The following REG4 variants were observed in gnomAD, a reference collection of about 807,000 sequenced individuals.
The protein encoded by REG4 is regenerating family member 4.
A neutral mutation model predicts 22.3 loss-of-function variants in REG4; 16 were observed. That is an observed-to-expected ratio of 0.72 (90% CI 0.49 to 1.09). The LOEUF (loss-of-function observed/expected upper bound fraction) is 1.09, where lower values mean the gene tolerates loss of function less well. Among genes scored for constraint, REG4 ranks in the 50% least tolerant of loss-of-function variants. The probability of loss-of-function intolerance (pLI) is 0.00; values close to 1 mark genes in which losing one functional copy is unlikely to be tolerated. For synonymous variants in REG4, 71 were observed against 69.2 expected (o/e 1.03, Z -0.13); for missense variants, 214 against 193.9 (o/e 1.10, Z -0.61).
chr1:119,806,966 T>G (rs1003194579), intron 2 of REG4, among the ~76,000 whole-genome samples: 1 of 152,202 alleles, frequency 6.6e-6, no homozygotes, highest in Non-Finnish European at 1.5e-5. Context: ...CAGAGCCTAG[T>G]GTATAGGAAT....
intron 1 of REG4, among the ~76,000 whole-genome samples, chr1:119,810,788 C>T (rs1336915268): frequency 6.6e-6 from 1 of 152,150 alleles, no homozygotes; most frequent in Non-Finnish European, 1.5e-5. Flanking sequence ...TGTGGTGGCT[C>T]ATGGCTGAAA....
In REG4 at chr1:119,794,292, A is replaced by C. The variant is rs1422284248; in HGVS notation, c.*326T>G. 1 of 578,816 alleles carries C rather than the reference A, an allele frequency of 1.7e-6. No individual in the cohort carries two copies. The highest frequency in any genetic ancestry group is 1.9e-5 in the African/African-American group (1 of 53,674). 35.9% of individuals were successfully genotyped at this position (578,816 alleles called of 1,614,324 possible). ...CCTGAGTTTCTTCCTTCTGTCTTCA[A>C]ATCTTTACTTCTTATGGCCAAAGAC... is the stretch of plus-strand genomic sequence containing the variant. On this transcript the variant is annotated 3_prime_UTR_variant, in exon 6 of 6. Coordinates refer to ENST00000256585, the MANE Select transcript of REG4 (RefSeq NM_032044.4).
intron 4 of REG4, among the ~76,000 whole-genome samples, chr1:119,799,409 TACACACAC>T (rs58324924): frequency 0.5 from 74,302 of 149,902 alleles, 18,569 homozygotes; most frequent in Middle Eastern, 0.59. Context: ...CCTGTGTGCG[TACACACAC>T]ACACACACAC....
chr1:119,802,506 C>T (rs1654142093), intron 3 of REG4: 1 of 1,051,548 alleles, frequency 9.5e-7, no homozygotes, highest in Non-Finnish European at 1.1e-6. Context: ...GCATCCACTC[C>T]CCATATGTGG....
chr1:119,810,601 G>A (rs1654465279), intron 1 of REG4, among the ~76,000 whole-genome samples: 1 of 152,190 alleles, frequency 6.6e-6, no homozygotes, highest in African/African-American at 2.4e-5. Context: ...AAGTAATAGT[G>A]TATTTTCAAT....
At chr1:119,809,130 CT>C (rs1175300409) in intron 1 of REG4, 29 of 166,828 alleles carry the variant, frequency 1.7e-4, no homozygotes, top group East Asian at 1.7e-4. Flanking sequence ...GCACTCGCCC[CT>C]GTTAGCTTCA....
rs140666283 is a variant in REG4, at chr1:119,809,518, G to A, written c.-94-655C>T. Among the ~76,000 whole-genome samples the A allele has an allele frequency of 3.0e-3, 456 of 152,272 alleles. 5 individuals carry two copies. Among genetic ancestry groups the A allele is most frequent in the African/African-American group, 0.01 (429 of 41,556 alleles). ...TAAGAAGTAAATCCCATCTCCAGGA[G>A]ATAATTTGGTGAGTAGCCTACAGAT... is the stretch of plus-strand genomic sequence containing the variant. On this transcript the variant is annotated intron_variant, in intron 1 of 5. Transcript: ENST00000256585.
chr1:119,802,699 T>A, intron 3 of REG4: 2 of 1,425,992 alleles, frequency 1.4e-6, no homozygotes, highest in Non-Finnish European at 1.8e-6. Context: ...CACCACTCTC[T>A]TTCTGGTAAA....
intron 1 of REG4, among the ~76,000 whole-genome samples, chr1:119,809,361 A>T (rs1431247510): frequency 1.3e-5 from 2 of 152,084 alleles, no homozygotes; most frequent in African/African-American, 4.8e-5. Flanking sequence ...CTATAAGCAG[A>T]TCTGACTCCA....
intron 3 of REG4, among the ~76,000 whole-genome samples, chr1:119,800,584 C>T (rs971440731): frequency 2.6e-5 from 4 of 152,150 alleles, no homozygotes; most frequent in African/African-American, 9.7e-5. Flanking sequence ...GCCCAGCTCT[C>T]CCTAATTCCT....
chr1:119,804,209 C>T (rs1182647999), intron 2 of REG4, among the ~76,000 whole-genome samples: 3 of 152,140 alleles, frequency 2.0e-5, no homozygotes, highest in African/African-American at 7.2e-5. Flanking sequence ...CTGCAGCTGT[C>T]ATAACAGCAT....
intron 3 of REG4, among the ~76,000 whole-genome samples, 164 bp from the exon 4 acceptor site, chr1:119,800,026 A>G (rs587730010): frequency 6.6e-6 from 1 of 152,224 alleles, no homozygotes; most frequent in Admixed American, 6.5e-5. Context: ...CTGGGAAAAA[A>G]CACAACTGCT....
In REG4 at chr1:119,802,610, C is replaced by T. The variant is rs587704364; in HGVS notation, c.165+458G>A. 75 of 1,310,462 alleles carry T rather than the reference C, an allele frequency of 5.7e-5. 1 individual carries two copies. In the South Asian group the frequency reaches 1.3e-3, roughly 22 times the overall value. The allele number at this position is 1,310,462 out of a possible 1,614,324, so 81.2% of individuals were successfully genotyped here. On this transcript the variant is annotated intron_variant, in intron 3 of 5. Coordinates refer to ENST00000256585, the MANE Select transcript of REG4 (RefSeq NM_032044.4). ...CAGGTTTGTGGACTGTGTAGAGCAG[C>T]GGAAAAGTTTCCACATTTTCTTGGA...
intron 2 of REG4, among the ~76,000 whole-genome samples, chr1:119,805,794 CT>C (rs1654292066): frequency 1.3e-5 from 2 of 152,078 alleles, no homozygotes; most frequent in African/African-American, 4.8e-5. Flanking sequence ...GACTCTCATT[CT>C]TTTTCTCCCC....
In REG4 at chr1:119,794,183, C is replaced by G; in HGVS notation, c.*435G>C. The G allele has an allele frequency of 1.9e-6, 1 of 535,512 alleles. No homozygotes were observed. The highest frequency in any genetic ancestry group is 3.8e-6 in the Non-Finnish European group (1 of 261,512). The allele number at this position is 535,512 out of a possible 1,614,324, so 33.2% of individuals were successfully genotyped here. On this transcript the variant is annotated 3_prime_UTR_variant, in exon 6 of 6. Coordinates refer to ENST00000256585, the MANE Select transcript of REG4 (RefSeq NM_032044.4). ...TTCCCATGGCCAAAGGAAAAACAAG[C>G]AGGAGTTGAGTGGCTGGGGTGGGGT...
chr1:119,797,651 C>G (rs1022191882), intron 5 of REG4, among the ~76,000 whole-genome samples: 1 of 152,184 alleles, frequency 6.6e-6, no homozygotes, highest in Non-Finnish European at 1.5e-5. Flanking sequence ...ACTGAGTATT[C>G]TTTAATATTC....
At chr1:119,803,280 G>GAC in intron 2 of REG4, 115 bp from the exon 3 acceptor site, 1 of 1,113,096 alleles carries the variant, frequency 9.0e-7, no homozygotes, top group Non-Finnish European at 1.2e-6. Context: ...TTCATGAAGG[G>GAC]TCCTGCTACA....
chr1:119,806,309 T>C (rs1654316473), intron 2 of REG4, among the ~76,000 whole-genome samples: 1 of 152,170 alleles, frequency 6.6e-6, no homozygotes, highest in Non-Finnish European at 1.5e-5. Flanking sequence ...ACATATATTC[T>C]AATCATCTTC....
In REG4 at chr1:119,798,516, A is replaced by G. The variant is rs374566798; in HGVS notation, c.390T>C (p.Ala130=). Residue 130 remains alanine (A), a synonymous_variant, in exon 5 of 6, where the codon GCT becomes GCC. Coordinates refer to ENST00000256585, the MANE Select transcript of REG4 (RefSeq NM_032044.4). ...ACTTACTGTTATTGGAGCTCATCTCAGCACAGTGCTTGTTCCCACCCATGG... is the reference window on the plus strand; with the variant it reads ...ACTTACTGTTATTGGAGCTCATCTCGGCACAGTGCTTGTTCCCACCCATGG... ...GKSMGGNKHC[A]EMSSNNNFLT... 22 of 1,613,912 alleles carry G rather than the reference A, an allele frequency of 1.4e-5. No homozygotes were observed. The highest frequency in any genetic ancestry group is 1.9e-5 in the Non-Finnish European group (22 of 1,179,868).
Sources: allele counts gnomAD v4.1 joint callset (sites outside exome capture counted in the v4.1 genomes callset), GRCh38; gene constraint gnomAD v4.1.1; transcripts MANE v1.5; gene names NCBI Gene and HGNC (gene_info 2026-07-23, HGNC 2026-07-21).